The following MIA2 variants were observed in gnomAD, a reference collection of about 807,000 sequenced individuals.
MIA2 encodes the protein melanoma inhibitory activity protein 2.
MIA2 carries 127 observed loss-of-function variants against 167.8 expected under a neutral mutation model. The observed-to-expected ratio is 0.76, with a 90% CI of 0.66 to 0.88. The LOEUF is 0.88. Ranked by LOEUF, MIA2 falls within the 40% of genes least tolerant of loss-of-function variation. The pLI is 0.00. For missense variants in MIA2, 1,690 were observed against 1,624.7 expected (o/e 1.04, Z -0.69); for synonymous variants, 552 against 541.9 (o/e 1.02, Z -0.26).
At position 39,247,072 on chromosome 14, in the gene MIA2, T is replaced by C. The variant is rs370729926; in HGVS notation, c.498T>C (p.Tyr166=). The change falls in exon 4 of 29, where the codon TAT becomes TAC. Residue 166 remains tyrosine, a synonymous_variant. Coordinates refer to ENST00000640607, the MANE Select transcript of MIA2 (RefSeq NM_001329214.4). The part of the protein sequence containing the change: ...ESDFQIEPGF[Y]ATYESTLFED... Reference sequence around the variant, plus strand: ...ATTTTCAGATAGAACCTGGATTTTATGCAACTTATGAAAGTACTTTGTTTG... The same window carrying C: ...ATTTTCAGATAGAACCTGGATTTTACGCAACTTATGAAAGTACTTTGTTTG... 1.9e-6 allele frequency: 3 copies of C among 1,606,394 alleles called. No individual in the cohort carries two copies. The highest frequency in any genetic ancestry group is 2.5e-6 in the Non-Finnish European group (3 of 1,178,200).
At chr14:39,303,588 C>A in intron 16 of MIA2, 64 bp downstream of exon 16, 1 of 1,152,174 alleles carries the variant, frequency 8.7e-7, no homozygotes, top group Non-Finnish European at 1.3e-6. Flanking sequence ...TTACTCATGT[C>A]CCAGTAAATG....
Position 39,304,397 on chromosome 14 carries a change from A to G in MIA2, c.2878+16A>G, listed in dbSNP as rs772979595. On this transcript the variant is annotated intron_variant, in intron 17 of 28. Coordinates refer to ENST00000640607, the MANE Select transcript of MIA2 (RefSeq NM_001329214.4). The stretch of plus-strand genomic sequence containing the variant: ...GAGCTTACAGGTAGGTCATTGACAT[A>G]CATACTTTTAATGTTTTTCTAAGTA... 2.2e-5 allele frequency: 30 copies of G among 1,364,700 alleles called. No individual in the cohort carries two copies. The highest frequency in any genetic ancestry group is 2.7e-5 in the Non-Finnish European group (27 of 991,656). The allele number at this position is 1,364,700 out of a possible 1,614,324, so 84.5% of individuals were successfully genotyped here.
chr14:39,262,303 T>C (rs1175480373), intron 6 of MIA2, among the ~76,000 whole-genome samples: 1 of 152,196 alleles, frequency 6.6e-6, no homozygotes, highest in Non-Finnish European at 1.5e-5. Flanking sequence ...TTTTGTCAGG[T>C]TTGTCAAAGA....
At chr14:39,288,119 C>G (rs1252850548) in intron 9 of MIA2, among the ~76,000 whole-genome samples, 1 of 152,038 alleles carries the variant, frequency 6.6e-6, no homozygotes, top group Non-Finnish European at 1.5e-5. Flanking sequence ...GCCACCACAC[C>G]TGGCCAGAAC....
chr14:39,258,603 T>A (rs2054926834), intron 6 of MIA2, among the ~76,000 whole-genome samples: 1 of 152,200 alleles, frequency 6.6e-6, no homozygotes, highest in South Asian at 2.1e-4. Context: ...TCAATCTCAT[T>A]CTCTGTTCAG....
intron 13 of MIA2, among the ~76,000 whole-genome samples, chr14:39,298,465 C>CA (rs1235082437): frequency 5.1e-5 from 1 of 19,800 alleles, no homozygotes; most frequent in Admixed American, 5.3e-4. Context: ...TTCATGTGTT[C>CA]GGAATACGCT....
Position 39,321,044 on chromosome 14 carries a change from G to C in MIA2, c.3484G>C (p.Gly1162Arg), listed in dbSNP as rs773099459. The change falls in exon 24 of 29, where the codon GGA becomes CGA. Residue 1162 changes from glycine to arginine, a missense_variant. Coordinates refer to ENST00000640607, the MANE Select transcript of MIA2 (RefSeq NM_001329214.4). ...PLRLSPLLPG[G>R]GGRGSRGPGN... ...CAGACTCTCACCTTTGCTTCCAGGG[G>C]GAGGAGGAAGAGGTATATTGTTTAA... The C allele has an allele frequency of 1.9e-6, 3 of 1,612,392 alleles. No individual in the cohort carries two copies. The South Asian group carries it at 3.3e-5, about 18-fold the overall frequency.
At chr14:39,267,412 C>G (rs1386030850) in intron 6 of MIA2, 5 of 1,608,862 alleles carry the variant, frequency 3.1e-6, no homozygotes, top group Admixed American at 1.7e-5. Flanking sequence ...TATTGTGGCC[C>G]CGACAGGCCG....
chr14:39,342,940 A>G (rs529673891), intron 25 of MIA2, among the ~76,000 whole-genome samples: 27 of 152,252 alleles, frequency 1.8e-4, no homozygotes, highest in African/African-American at 6.3e-4. Flanking sequence ...AGAGTTTATC[A>G]CCTTAATTGT....
In MIA2 at chr14:39,277,748, G is replaced by GTATA. The variant is rs1167732482; in HGVS notation, c.2019+713_2019+716dup. Reference sequence around the variant, plus strand: ...TATATATATATATATATATATGTGTGTATATATATATATATATATATATAT... The same window carrying GTATA: ...TATATATATATATATATATATGTGTGTATATATATATATATATATATATATATAT... On this transcript the variant is annotated intron_variant, in intron 7 of 28. Coordinates refer to ENST00000640607, the MANE Select transcript of MIA2 (RefSeq NM_001329214.4). 1.1e-3 allele frequency among the ~76,000 whole-genome samples: 2 copies of GTATA among 1,848 alleles called. 1 individual carries two copies. Among genetic ancestry groups the GTATA allele is most frequent in the Non-Finnish European group, 2.1e-3 (2 of 962 alleles). The allele number at this position is 1,848 out of a possible 152,430, so 1.2% of individuals were successfully genotyped here. A position where few individuals can be genotyped will look rare whatever the true frequency, so the allele number is the denominator to read the frequency against.
intron 9 of MIA2, among the ~76,000 whole-genome samples, chr14:39,286,942 T>G (rs1483381030): frequency 6.6e-6 from 1 of 152,106 alleles, no homozygotes; most frequent in Non-Finnish European, 1.5e-5. Context: ...GACAGGCTGG[T>G]CTCGAACTTC....
In MIA2 at chr14:39,303,027, C is replaced by T. The variant is rs2062783946; in HGVS notation, c.2741-451C>T. Among the ~76,000 whole-genome samples the T allele has an allele frequency of 2.0e-5, 3 of 152,172 alleles. No homozygotes were observed. The South Asian group carries it at 6.2e-4, about 32-fold the overall frequency. Reference sequence around the variant, plus strand: ...TAATATGTTGGAAAAAATTACATCCCTAAAATAAGTATATAAAGTTCTGTT... The same window carrying T: ...TAATATGTTGGAAAAAATTACATCCTTAAAATAAGTATATAAAGTTCTGTT... On this transcript the variant is annotated intron_variant, in intron 15 of 28. Coordinates refer to ENST00000640607, the MANE Select transcript of MIA2 (RefSeq NM_001329214.4).
At chr14:39,363,798 T>TA (rs769921053) in intron 23 of MIA2, among the ~76,000 whole-genome samples, 25 of 152,260 alleles carry the variant, frequency 1.6e-4, no homozygotes, top group Non-Finnish European at 3.1e-4. Flanking sequence ...GTGTTTGACT[T>TA]AAAGTCTGTT....
chr14:39,250,780 T>C (rs1266636765), intron 4 of MIA2, among the ~76,000 whole-genome samples: 5 of 150,244 alleles, frequency 3.3e-5, no homozygotes, highest in African/African-American at 4.9e-5. Context: ...ATTTCTAAAA[T>C]TGGTAAATAG....
chr14:39,268,561 A>G (rs1005539374), intron 6 of MIA2, among the ~76,000 whole-genome samples: 4 of 152,182 alleles, frequency 2.6e-5, no homozygotes, highest in African/African-American at 7.2e-5. Flanking sequence ...AAGTGGGCTT[A>G]GGGAGTGATG....
chr14:39,347,818 CTTTTTT>C (rs59832680), intron 27 of MIA2, 47 bp downstream of exon 27: 41 of 706,224 alleles, frequency 5.8e-5, no homozygotes, highest in South Asian at 8.6e-5. Context: ...CAGAAGCCTT[CTTTTTT>C]TTTTTTTTTT....
exon 24 of MIA2, chr14:39,387,965 C>T (rs2075294234): frequency 6.6e-6 from 1 of 152,130 alleles, no homozygotes; most frequent in Non-Finnish European, 1.5e-5. Flanking sequence ...CTATTGTACA[C>T]CTAATACATT....
At chr14:39,337,640 A>G (rs1423099748) in intron 25 of MIA2, among the ~76,000 whole-genome samples, 2 of 152,244 alleles carry the variant, frequency 1.3e-5, no homozygotes, top group Admixed American at 6.5e-5. Context: ...GATACATGCA[A>G]CAATTTGGAT....
chr14:39,236,044 A>G (rs1383268169), intron 1 of MIA2, among the ~76,000 whole-genome samples: 9 of 152,092 alleles, frequency 5.9e-5, no homozygotes, highest in Non-Finnish European at 1.3e-4. Flanking sequence ...GTTCATAGTT[A>G]TTGAGGCCTA....
Sources: gnomAD v4.1 joint callset for allele counts (sites outside exome capture counted in the v4.1 genomes callset) on GRCh38, gnomAD v4.1.1 for gene constraint, MANE v1.5 for transcripts, NCBI Gene and HGNC (gene_info 2026-07-23, HGNC 2026-07-21) for gene names.